Variants in ZNF516 observed in about 807,000 individuals in gnomAD.
ZNF516 encodes the protein zinc finger protein 516.
A neutral mutation model predicts 79.7 loss-of-function variants in ZNF516; 19 were observed. The ratio of observed to expected loss-of-function variants is 0.24; its 90% confidence interval spans 0.17 to 0.35. The LOEUF is 0.35. ZNF516 is among the 10% of genes least tolerant of loss of function. ZNF516 has a pLI of 1.00. For missense variants in ZNF516, 1,678 were observed against 1,679.5 expected, an observed-to-expected ratio of 1.00 and a Z score of 0.02; for synonymous variants, 877 against 739.5, an observed-to-expected ratio of 1.19 and a Z score of -3.02.
In ZNF516 at chr18:76,379,389, T is replaced by C. The variant is rs777514276; in HGVS notation, c.2725A>G (p.Arg909Gly). 9.4e-6 allele frequency: 15 copies of C among 1,601,158 alleles called. 1 individual carries two copies. Among genetic ancestry groups the C allele is most frequent in the South Asian group, 3.3e-5 (3 of 89,844 alleles). Residue 909 changes from arginine (R) to glycine (G), a missense_variant, in exon 4 of 7, where the codon AGG (arginine) becomes GGG (glycine). Transcript: ENST00000443185. ...AATQGPLAKP[R>G]QEASSKPVPA... ...ACCGGTTTGGAGCTAGCCTCCTGCC[T>C]GGGCTTGGCCAGGGGCCCCTGTGTG... is the stretch of plus-strand genomic sequence containing the variant.
intron 3 of ZNF516, among the ~76,000 whole-genome samples, chr18:76,416,129 G>A (rs2075430233): frequency 6.6e-6 from 1 of 152,212 alleles, no homozygotes; most frequent in Non-Finnish European, 1.5e-5. Context: ...GAAAGTGAAG[G>A]AAAAACTCTC....
rs1461012531 is a variant in ZNF516, at chr18:76,442,380, G to A, written c.675C>T (p.Thr225=). 3.1e-6 allele frequency: 5 copies of A among 1,608,776 alleles called. No individual in the cohort carries two copies. The highest frequency in any genetic ancestry group is 4.5e-5 in the East Asian group (2 of 44,864). ...LLSHIERDHI[T]AQGPGSGEAC... The stretch of plus-strand genomic sequence containing the variant: ...CCTCGCCGCTGCCGGGCCCCTGCGC[G>A]GTGATGTGGTCCCTCTCGATGTGGC... The change falls in exon 3 of 7, where the codon ACC becomes ACT. Residue 225 remains threonine (T), a synonymous_variant. Transcript: ENST00000443185.
chr18:76,473,096 G>T (rs761829192), intron 1 of ZNF516, among the ~76,000 whole-genome samples: 5 of 152,054 alleles, frequency 3.3e-5, no homozygotes, highest in Admixed American at 6.5e-5. Flanking sequence ...TATAAATACC[G>T]CCACTAGTGG....
chr18:76,366,066 C>A (rs369621110), intron 6 of ZNF516, among the ~76,000 whole-genome samples: 1 of 152,238 alleles, frequency 6.6e-6, no homozygotes, highest in East Asian at 1.9e-4. Flanking sequence ...TTAAACAGTG[C>A]GTGTGCTGAA....
At chr18:76,404,372 T>A (rs1426889438) in intron 3 of ZNF516, among the ~76,000 whole-genome samples, 1 of 152,122 alleles carries the variant, frequency 6.6e-6, no homozygotes, top group African/African-American at 2.4e-5. Flanking sequence ...AATGTGCATG[T>A]GTGTGAACGG....
chr18:76,437,338 G>A (rs2075756476), intron 3 of ZNF516, among the ~76,000 whole-genome samples: 1 of 152,134 alleles, frequency 6.6e-6, no homozygotes, highest in Admixed American at 6.5e-5. Context: ...CTGAGGACGG[G>A]GCTGCTGGGC....
intron 1 of ZNF516, among the ~76,000 whole-genome samples, chr18:76,477,326 T>G (rs887340728): frequency 1.3e-5 from 2 of 152,176 alleles, no homozygotes; most frequent in African/African-American, 4.8e-5. Context: ...GCACGAAAAC[T>G]GACCCTCCGT....
chr18:76,475,396 AG>A (rs1914116529), intron 1 of ZNF516, among the ~76,000 whole-genome samples: 1 of 152,232 alleles, frequency 6.6e-6, no homozygotes, highest in South Asian at 2.1e-4. Context: ...TGAGTTTTGC[AG>A]GGAACGTAAA....
intron 5 of ZNF516, among the ~76,000 whole-genome samples, chr18:76,370,841 G>A (rs1295493738): frequency 2.6e-5 from 4 of 152,120 alleles, no homozygotes; most frequent in African/African-American, 4.8e-5. Flanking sequence ...ATTAATTATC[G>A]GTGTGTGTGT....
At position 76,451,486 on chromosome 18, in the gene ZNF516, G is replaced by A. The variant is rs1212920117; in HGVS notation, c.-157-8275C>T. ...AGCTCAAAGCAGACAGAATGCTTCC[G>A]ATATTTACAGGGCTGTCTGCAAAGG... On this transcript the variant is annotated intron_variant, in intron 2 of 6. Transcript: ENST00000443185. This position sits in a 1 kb window ranked among gnomAD's most constrained non-coding sequence, Gnocchi z 6.0. Among the ~76,000 whole-genome samples, 1 of 152,202 alleles carries A rather than the reference G, an allele frequency of 6.6e-6. No individual in the cohort carries two copies. The highest frequency in any genetic ancestry group is 2.1e-4 in the South Asian group (1 of 4,832).
intron 6 of ZNF516, among the ~76,000 whole-genome samples, chr18:76,364,826 C>A (rs2144884297): frequency 6.6e-6 from 1 of 152,330 alleles, no homozygotes; most frequent in South Asian, 2.1e-4. Flanking sequence ...CTGACTAAAA[C>A]CTTTACCCAA....
chr18:76,488,039 G>A, intron 1 of ZNF516: 1 of 985,242 alleles, frequency 1.0e-6, no homozygotes, highest in South Asian at 4.7e-5. Flanking sequence ...CACAAACAGA[G>A]GCTTGTCCAC....
At chr18:76,429,174 C>T (rs1243250936) in intron 3 of ZNF516, among the ~76,000 whole-genome samples, 1 of 152,194 alleles carries the variant, frequency 6.6e-6, no homozygotes, top group Non-Finnish European at 1.5e-5. Context: ...TCCCCCAGCA[C>T]AGGGCATCAG....
chr18:76,439,367 A>G (rs1189194177), intron 3 of ZNF516, among the ~76,000 whole-genome samples: 1 of 152,170 alleles, frequency 6.6e-6, no homozygotes, highest in Non-Finnish European at 1.5e-5. Flanking sequence ...TCCATGTTTC[A>G]TGCCTCTGTC....
At chr18:76,405,034 A>C (rs986697373) in intron 3 of ZNF516, among the ~76,000 whole-genome samples, 1 of 152,160 alleles carries the variant, frequency 6.6e-6, no homozygotes, top group Non-Finnish European at 1.5e-5. Context: ...GCTCCCAGCA[A>C]AGACCTCAGG....
chr18:76,398,742 AG>A (rs2075178422), intron 3 of ZNF516, among the ~76,000 whole-genome samples: 1 of 152,228 alleles, frequency 6.6e-6, no homozygotes, highest in Admixed American at 6.5e-5. Flanking sequence ...AGTAAGTCTC[AG>A]GAAGAGAAAT....
At chr18:76,481,992 C>T (rs1373378848) in intron 1 of ZNF516, among the ~76,000 whole-genome samples, 2 of 152,152 alleles carry the variant, frequency 1.3e-5, no homozygotes, top group East Asian at 3.9e-4. Flanking sequence ...GCTACAATAG[C>T]TTTTGCCTTA....
At chr18:76,476,235 A>G (rs1914165469) in intron 1 of ZNF516, among the ~76,000 whole-genome samples, 1 of 152,232 alleles carries the variant, frequency 6.6e-6, no homozygotes, top group African/African-American at 2.4e-5. Flanking sequence ...CACAACCATC[A>G]TCTCCTTTTA....
chr18:76,492,551 C>A, intron 1 of ZNF516: 1 of 342,806 alleles, frequency 2.9e-6, no homozygotes, highest in Non-Finnish European at 4.1e-6. Flanking sequence ...ACATGCTGCC[C>A]TTCACTTTTC....
Sources: allele counts gnomAD v4.1 joint callset (sites outside exome capture counted in the v4.1 genomes callset), GRCh38; gene constraint gnomAD v4.1.1; non-coding constraint Gnocchi (gnomAD v3.1); transcripts MANE v1.5; gene names NCBI Gene and HGNC (gene_info 2026-07-23, HGNC 2026-07-21).